Variants in CNIH3 observed in about 807,000 individuals in gnomAD.
The protein encoded by CNIH3 is cornichon family AMPA receptor auxiliary protein 3.
CNIH3 carries 14 observed loss-of-function variants against 24.1 expected under a neutral mutation model. The ratio of observed to expected loss-of-function variants is 0.58; its 90% CI spans 0.38 to 0.91. The LOEUF is 0.91. CNIH3 is among the 40% of genes least tolerant of loss of function. The pLI is 0.00. For missense variants in CNIH3, 178 were observed against 196.8 expected, an observed-to-expected ratio of 0.90 and a Z score of 0.57; for synonymous variants, 68 against 73.8, an observed-to-expected ratio of 0.92 and a Z score of 0.40.
intron 2 of CNIH3, among the ~76,000 whole-genome samples, chr1:224,528,638 A>C (rs1678938810): frequency 6.6e-6 from 1 of 152,170 alleles, no homozygotes; most frequent in African/African-American, 2.4e-5. Flanking sequence ...TGCTAATAGT[A>C]GTTAACATTT....
At chr1:224,564,140 G>C (rs1680488111) in intron 3 of CNIH3, among the ~76,000 whole-genome samples, 1 of 152,192 alleles carries the variant, frequency 6.6e-6, no homozygotes, top group Non-Finnish European at 1.5e-5. Context: ...GTCCATACCT[G>C]TGCTTCTAGA....
At chr1:224,514,085 C>T (rs959402709), upstream of CNIH3, 3 of 152,224 alleles carry the variant, frequency 2.0e-5, no homozygotes, top group East Asian at 5.8e-4. Context: ...CACCCTTCTC[C>T]TTCAAACCTC....
At position 224,569,893 on chromosome 1, in the gene CNIH3, C is replaced by T. The variant is rs531540373; in HGVS notation, n.516+3629C>T. Among the ~76,000 whole-genome samples the T allele has an allele frequency of 3.9e-5, 6 of 152,222 alleles. No individual in the cohort carries two copies. In the South Asian group the frequency reaches 1.2e-3, roughly 32 times the overall value. Reference sequence around the variant, plus strand: ...CAACCTCCCGGGTTCAAGCGATTCTCTTGCCTCAGCCTCCAGAGTAGCTGG... The same window carrying T: ...CAACCTCCCGGGTTCAAGCGATTCTTTTGCCTCAGCCTCCAGAGTAGCTGG... On this transcript the variant is annotated intron_variant and non_coding_transcript_variant, in intron 4 of 5. Coordinates refer to the CNIH3 transcript ENST00000471578.
chr1:224,587,960 A>G (rs1411836737), intron 5 of CNIH3, among the ~76,000 whole-genome samples: 1 of 151,896 alleles, frequency 6.6e-6, no homozygotes, highest in African/African-American at 2.4e-5. Context: ...AAAAAACAAA[A>G]CAAAACCTAA....
chr1:224,621,678 T>C (rs1316258739), intron 1 of CNIH3, among the ~76,000 whole-genome samples: 1 of 152,244 alleles, frequency 6.6e-6, no homozygotes, highest in African/African-American at 2.4e-5. Flanking sequence ...CGTTTTCTAC[T>C]TTACCATTGT....
chr1:224,568,593 C>T (rs1015595111), intron 4 of CNIH3, among the ~76,000 whole-genome samples: 1 of 151,828 alleles, frequency 6.6e-6, no homozygotes, highest in African/African-American at 2.4e-5. Flanking sequence ...CTCATCTCTA[C>T]AAAAAATAAA....
At chr1:224,474,880 TAAAAATAAAA>T (rs1382391378) in intron 1 of CNIH3, among the ~76,000 whole-genome samples, 1 of 42,340 alleles carries the variant, frequency 2.4e-5, no homozygotes, top group South Asian at 6.1e-4. Context: ...TACAAAAAAA[TAAAAATAAAA>T]AAAAGCCGGT....
intron 3 of CNIH3, among the ~76,000 whole-genome samples, chr1:224,708,570 A>G (rs1343556680): frequency 6.6e-6 from 1 of 152,086 alleles, no homozygotes; most frequent in Non-Finnish European, 1.5e-5. Context: ...CTCTCCTTCT[A>G]TTGAAACTGC....
intron 3 of CNIH3, among the ~76,000 whole-genome samples, chr1:224,687,689 C>CG (rs909208803): frequency 3.3e-5 from 5 of 152,184 alleles, no homozygotes; most frequent in African/African-American, 1.2e-4. Context: ...CCACCAGCTT[C>CG]GTACCAGGAC....
At chr1:224,705,219 C>T (rs1687716432) in intron 3 of CNIH3, among the ~76,000 whole-genome samples, 1 of 152,196 alleles carries the variant, frequency 6.6e-6, no homozygotes, top group South Asian at 2.1e-4. Flanking sequence ...ATGACACTGA[C>T]CTCTTCTGAA....
At chr1:224,672,195 G>C (rs1685899568) in intron 1 of CNIH3, among the ~76,000 whole-genome samples, 1 of 152,076 alleles carries the variant, frequency 6.6e-6, no homozygotes, top group South Asian at 2.1e-4. Context: ...TATTCTGAGC[G>C]TGGGTTTGGG....
rs529271046 is a variant in CNIH3 at position 224,634,738 on chromosome 1, C to T, written c.81+17483C>T. On this transcript the variant is annotated intron_variant, in intron 1 of 5. Coordinates refer to ENST00000272133, the MANE Select transcript of CNIH3 (RefSeq NM_152495.2). ...TAAGCCCTTGCCTCGCAACTCACTC[C>T]TCTTCCTAAGAAATGCCCCCCTGCC... is the stretch of plus-strand genomic sequence containing the variant. Among the ~76,000 whole-genome samples the T allele has an allele frequency of 3.3e-5, 5 of 152,256 alleles. No individual in the cohort carries two copies. In the East Asian group the frequency reaches 9.6e-4, roughly 29 times the overall value.
At chr1:224,615,615 C>T (rs1210456916), upstream of CNIH3, 2 of 152,306 alleles carry the variant, frequency 1.3e-5, no homozygotes, top group African/African-American at 4.8e-5. Flanking sequence ...GGTCTACCTT[C>T]AAAAGCATCC....
chr1:224,699,502 T>C (rs934707873), intron 3 of CNIH3, among the ~76,000 whole-genome samples: 1 of 152,282 alleles, frequency 6.6e-6, no homozygotes, highest in East Asian at 1.9e-4. Flanking sequence ...GCAGGGTTGG[T>C]TCCTTCTGAG....
chr1:224,723,290 T>A (rs1185873444), intron 3 of CNIH3, among the ~76,000 whole-genome samples: 1 of 152,136 alleles, frequency 6.6e-6, no homozygotes, highest in Non-Finnish European at 1.5e-5. Flanking sequence ...CCCTGGGTGA[T>A]CAGGAGCAAT....
intron 1 of CNIH3, among the ~76,000 whole-genome samples, chr1:224,632,693 T>G (rs1303632858): frequency 6.6e-6 from 1 of 152,080 alleles, no homozygotes; most frequent in African/African-American, 2.4e-5. Flanking sequence ...CTGTGGGATT[T>G]CAAGCCACTT....
chr1:224,689,658 G>A (rs1056483529), intron 3 of CNIH3, among the ~76,000 whole-genome samples: 2 of 152,160 alleles, frequency 1.3e-5, no homozygotes, highest in Non-Finnish European at 2.9e-5. Context: ...TTCTTGGAAC[G>A]AGCCTCCTAA....
At chr1:224,676,737 G>A (rs879422915) in intron 1 of CNIH3, among the ~76,000 whole-genome samples, 1 of 152,182 alleles carries the variant, frequency 6.6e-6, no homozygotes, top group African/African-American at 2.4e-5. Context: ...TCAGTCCATT[G>A]CTGATGCTAA....
chr1:224,675,881 C>T (rs1686113541), intron 1 of CNIH3, among the ~76,000 whole-genome samples: 1 of 152,196 alleles, frequency 6.6e-6, no homozygotes, highest in Non-Finnish European at 1.5e-5. Flanking sequence ...CATGGGAACA[C>T]TCATGTTGCT....
Sources: allele counts gnomAD v4.1 joint callset (sites outside exome capture counted in the v4.1 genomes callset), GRCh38; gene constraint gnomAD v4.1.1; transcripts MANE v1.5; gene names NCBI Gene and HGNC (gene_info 2026-07-23, HGNC 2026-07-21).